The following FBXO42 variants were observed in gnomAD, a reference collection of about 807,000 sequenced individuals.
The protein encoded by FBXO42 is F-box only protein 42.
FBXO42 carries 12 observed loss-of-function variants against 71.7 expected under a neutral mutation model. The observed-to-expected ratio is 0.17, with a 90% CI of 0.11 to 0.27. FBXO42 has a LOEUF of 0.27. FBXO42 is among the 10% of genes least tolerant of loss of function. The pLI is 1.00. For synonymous variants in FBXO42, 325 were observed against 327.5 expected, an observed-to-expected ratio of 0.99 and a Z score of 0.08; for missense variants, 707 against 911.9, an observed-to-expected ratio of 0.78 and a Z score of 2.89.
intron 4 of FBXO42, among the ~76,000 whole-genome samples, chr1:16,278,517 T>C (rs1182503050): frequency 1.3e-5 from 2 of 151,814 alleles, no homozygotes; most frequent in African/African-American, 4.9e-5. Context: ...TTTGTTAGAA[T>C]AGACTCTACT....
intron 4 of FBXO42, among the ~76,000 whole-genome samples, chr1:16,272,182 T>C (rs1477053347): frequency 1.3e-5 from 2 of 148,912 alleles, no homozygotes; most frequent in East Asian, 2.0e-4. Context: ...AAAAGTCCTC[T>C]GTAGACTGAA....
chr1:16,264,885 G>A (rs904221109), intron 4 of FBXO42, among the ~76,000 whole-genome samples: 11 of 152,104 alleles, frequency 7.2e-5, no homozygotes, highest in African/African-American at 2.4e-4. Context: ...ATAATTACAC[G>A]GCATTCTTGT....
intron 4 of FBXO42, among the ~76,000 whole-genome samples, chr1:16,272,015 C>T (rs1425544162): frequency 1.3e-5 from 2 of 149,512 alleles, no homozygotes; most frequent in East Asian, 2.0e-4. Context: ...AATAGCTGGG[C>T]GTGGTGGTGC....
rs60328879 is a variant in FBXO42, at chr1:16,337,883, C to CAAAAAAA, written c.-18+14365_-18+14371dup. On this transcript the variant is annotated intron_variant, in intron 1 of 9. Coordinates refer to ENST00000375592, the MANE Select transcript of FBXO42 (RefSeq NM_018994.3). ...TGGGAGAAAGAGCGAGACTCCGTCT[C>CAAAAAAA]AAAAAAAAAAAAAAAAAAAAAAAAA... Among the ~76,000 whole-genome samples the CAAAAAAA allele has an allele frequency of 6.2e-3, 241 of 38,850 alleles. 30 individuals carry two copies. Among genetic ancestry groups the CAAAAAAA allele is most frequent in the Admixed American group, 8.4e-3 (17 of 2,018 alleles). The allele number at this position is 38,850 out of a possible 152,430, so 25.5% of individuals were successfully genotyped here. A position where few individuals can be genotyped will look rare whatever the true frequency, so the allele number is the denominator to read the frequency against.
chr1:16,257,519 T>C (rs1206606045), intron 4 of FBXO42, among the ~76,000 whole-genome samples: 1 of 152,196 alleles, frequency 6.6e-6, no homozygotes, highest in Non-Finnish European at 1.5e-5. Context: ...CTGGAAAACT[T>C]TAGAGATAAC....
intron 1 of FBXO42, among the ~76,000 whole-genome samples, chr1:16,344,285 T>A (rs1192396982): frequency 6.7e-6 from 1 of 149,972 alleles, no homozygotes; most frequent in Non-Finnish European, 1.5e-5. Flanking sequence ...TTAAGTTAGC[T>A]TCAGGTATTT....
chr1:16,322,233 C>A (rs958562296), intron 1 of FBXO42, among the ~76,000 whole-genome samples: 1 of 151,928 alleles, frequency 6.6e-6, no homozygotes, highest in East Asian at 1.9e-4. Context: ...GAGTCTGCTG[C>A]CAGAGAGGAA....
intron 1 of FBXO42, among the ~76,000 whole-genome samples, chr1:16,338,475 C>T (rs1263435796): frequency 6.6e-6 from 1 of 152,054 alleles, no homozygotes; most frequent in Admixed American, 6.6e-5. Flanking sequence ...TGTTATCCCC[C>T]TGCTTTGATG....
Position 16,313,314 on chromosome 1 carries a change from GA to G in FBXO42, c.250+1854del, listed in dbSNP as rs1158720615. ...AGAAAGAGAGAGAAAGAAAGAAAGA[GA>G]AAAGAAAACAAAGAAAGAAAGAAAG... On this transcript the variant is annotated intron_variant, in intron 2 of 9. Transcript: ENST00000375592. Among the ~76,000 whole-genome samples the G allele has an allele frequency of 6.5e-3, 771 of 117,792 alleles. 10 individuals carry two copies. The highest frequency in any genetic ancestry group is 0.03 in the African/African-American group (738 of 24,530). The allele number at this position is 117,792 out of a possible 152,430, so 77.3% of individuals were successfully genotyped here.
chr1:16,284,553 TG>T (rs1401316350), intron 4 of FBXO42, among the ~76,000 whole-genome samples: 64 of 152,228 alleles, frequency 4.2e-4, no homozygotes, highest in African/African-American at 1.5e-3. Context: ...AAAAACGAGC[TG>T]GGCGTGGCAG....
intron 1 of FBXO42, among the ~76,000 whole-genome samples, chr1:16,328,991 C>T (rs2082473260): frequency 6.6e-6 from 1 of 151,628 alleles, no homozygotes; most frequent in South Asian, 2.1e-4. Flanking sequence ...GGTGAAACCC[C>T]ATCTCTACTA....
At chr1:16,311,499 AAAAAATATAT>A (rs1352180540) in intron 2 of FBXO42, among the ~76,000 whole-genome samples, 31 of 68,690 alleles carry the variant, frequency 4.5e-4, no homozygotes, top group East Asian at 6.3e-4. Context: ...AAAAAAAAAA[AAAAAATATAT>A]ATATATATAT....
chr1:16,252,409 A>G lies in FBXO42; in HGVS notation c.922-5T>C. 6.2e-7 allele frequency: 1 copy of G among 1,611,226 alleles called. No individual in the cohort carries two copies. ...CAACCAAGCATCCTTGAATAGCTGTAAGAGAAAAAACCAATAACAAGACTC... is the reference window on the plus strand; with the variant it reads ...CAACCAAGCATCCTTGAATAGCTGTGAGAGAAAAAACCAATAACAAGACTC... On this transcript the variant is annotated splice_polypyrimidine_tract_variant and splice_region_variant and intron_variant, in intron 8 of 9. Coordinates refer to ENST00000375592, the MANE Select transcript of FBXO42 (RefSeq NM_018994.3). This position sits in a 1 kb window ranked among gnomAD's most constrained non-coding sequence, Gnocchi z 4.4.
chr1:16,257,824 G>C (rs1448421699), intron 4 of FBXO42, among the ~76,000 whole-genome samples: 3 of 152,104 alleles, frequency 2.0e-5, no homozygotes, highest in Admixed American at 1.3e-4. Flanking sequence ...GGGATTACAG[G>C]CATCTGCCAT....
At chr1:16,307,524 A>G (rs2082264340) in intron 2 of FBXO42, among the ~76,000 whole-genome samples, 1 of 135,458 alleles carries the variant, frequency 7.4e-6, no homozygotes, top group Non-Finnish European at 1.5e-5. Flanking sequence ...AAAAACAAGC[A>G]AAAAAAAAAA....
At chr1:16,349,522 C>T (rs748612579) in intron 1 of FBXO42, among the ~76,000 whole-genome samples, 15 of 152,274 alleles carry the variant, frequency 9.9e-5, no homozygotes, top group Admixed American at 2.6e-4. Context: ...CATTAACAAT[C>T]GTGGGAAGGG....
In FBXO42 at chr1:16,250,474, AATAT is replaced by A. The variant is rs527475077; in HGVS notation, c.*192_*195del. 1.2e-5 allele frequency: 2 copies of A among 167,956 alleles called. No individual in the cohort carries two copies. Among genetic ancestry groups the A allele is most frequent in the East Asian group, 1.6e-4 (1 of 6,208 alleles). The allele number at this position is 167,956 out of a possible 1,614,324, so 10.4% of individuals were successfully genotyped here. ...TTTTTGTCAACAGAGTTGGCTATAT[AATAT>A]ATATATATATATTTATATATAATTT... On this transcript the variant is annotated 3_prime_UTR_variant, in exon 10 of 10. Transcript: ENST00000375592. The surrounding 1 kb of genome is among the most constrained non-coding windows in gnomAD (Gnocchi z 4.7).
rs2081547896 is a variant in FBXO42, at chr1:16,247,621, C to CTGTAAAACTCGAACATTAA, written c.*3030_*3048dup. ...AATAGTTCATGGTTTTCAGCTGTTG[C>CTGTAAAACTCGAACATTAA]TGTAAAACTCGAACATTAAAATCAA... On this transcript the variant is annotated 3_prime_UTR_variant, in exon 10 of 10. Transcript: ENST00000375592. 1 of 152,162 alleles carries CTGTAAAACTCGAACATTAA rather than the reference C, an allele frequency of 6.6e-6. No individual in the cohort carries two copies. The highest frequency in any genetic ancestry group is 2.4e-5 in the African/African-American group (1 of 41,430). The allele number at this position is 152,162 out of a possible 1,614,324, so 9.4% of individuals were successfully genotyped here. A position where few individuals can be genotyped will look rare whatever the true frequency, so the allele number is the denominator to read the frequency against.
intron 1 of FBXO42, among the ~76,000 whole-genome samples, chr1:16,338,802 G>GTT (rs2082576476): frequency 4.3e-5 from 4 of 92,662 alleles, no homozygotes; most frequent in Non-Finnish European, 7.1e-5. Context: ...ATTTCCATTT[G>GTT]TCTTTTTTTT....
Sources: allele counts gnomAD v4.1 joint callset (sites outside exome capture counted in the v4.1 genomes callset), GRCh38; gene constraint gnomAD v4.1.1; non-coding constraint Gnocchi (gnomAD v3.1); transcripts MANE v1.5; gene names NCBI Gene and HGNC (gene_info 2026-07-23, HGNC 2026-07-21).